ARHGAP10: variants seen among roughly 807,000 people sequenced by gnomAD.
ARHGAP10 encodes Rho GTPase activating protein 10, also known as rho GTPase-activating protein 10.
ARHGAP10 carries 87 observed loss-of-function variants against 108.6 expected under a neutral mutation model. That is an observed-to-expected ratio of 0.80 (90% CI 0.67 to 0.96). ARHGAP10 has a LOEUF of 0.96. Ranked by LOEUF, ARHGAP10 falls within the 40% of genes least tolerant of loss-of-function variation. The pLI, the probability that ARHGAP10 is intolerant of heterozygous loss-of-function variation, is 0.00. For missense variants in ARHGAP10, 939 were observed against 954.5 expected (o/e 0.98, Z 0.21); for synonymous variants, 347 against 341.1 (o/e 1.02, Z -0.19).
intron 18 of ARHGAP10, among the ~76,000 whole-genome samples, chr4:147,970,178 T>C (rs543057286): frequency 2.6e-4 from 40 of 152,324 alleles, no homozygotes; most frequent in South Asian, 1.4e-3. Flanking sequence ...AAGAATATTT[T>C]TGCTGACAAG....
chr4:147,789,293 AT>A (rs1731016717), intron 1 of ARHGAP10, among the ~76,000 whole-genome samples: 1 of 152,004 alleles, frequency 6.6e-6, no homozygotes, highest in South Asian at 2.1e-4. Flanking sequence ...TTTTCCACAT[AT>A]TTTATTTATG....
chr4:147,885,557 T>A (rs1735513212), intron 10 of ARHGAP10, among the ~76,000 whole-genome samples: 1 of 152,130 alleles, frequency 6.6e-6, no homozygotes, highest in South Asian at 2.1e-4. Flanking sequence ...ATATCAGTCA[T>A]GTTGAGTTAG....
At chr4:147,774,009 C>G (rs1004803428) in intron 1 of ARHGAP10, among the ~76,000 whole-genome samples, 4 of 152,132 alleles carry the variant, frequency 2.6e-5, no homozygotes, top group African/African-American at 9.7e-5. Context: ...CTCTGCCACT[C>G]CAGCTTTGTG....
chr4:147,815,895 TCCC>T (rs1276131061), intron 1 of ARHGAP10, among the ~76,000 whole-genome samples: 1 of 152,054 alleles, frequency 6.6e-6, no homozygotes. Context: ...CCATGAGACT[TCCC>T]CCATTTTAGA....
chr4:147,744,404 GC>G (rs1728819569), intron 1 of ARHGAP10, among the ~76,000 whole-genome samples: 1 of 152,054 alleles, frequency 6.6e-6, no homozygotes, highest in South Asian at 2.1e-4. Context: ...GGTCAAGAAG[GC>G]CCTTGGAAAG....
intron 1 of ARHGAP10, among the ~76,000 whole-genome samples, 187 bp from the exon 2 acceptor site, chr4:147,822,540 G>A (rs562824539): frequency 3.9e-5 from 6 of 152,356 alleles, no homozygotes; most frequent in African/African-American, 1.4e-4. Context: ...TGAACTAGAA[G>A]TCAGAGGCTA....
At chr4:147,927,757 T>C (rs1307875941) in intron 13 of ARHGAP10, among the ~76,000 whole-genome samples, 1 of 152,164 alleles carries the variant, frequency 6.6e-6, no homozygotes, top group Non-Finnish European at 1.5e-5. Flanking sequence ...AGCTTGATCC[T>C]AAGGGAAGGC....
intron 4 of ARHGAP10, chr4:147,854,990 G>A: frequency 2.3e-6 from 1 of 432,886 alleles, no homozygotes; most frequent in Non-Finnish European, 3.1e-6. Context: ...TTTGACCGCT[G>A]ATTAAAGCGT....
chr4:147,812,250 A>T (rs1027181166), intron 1 of ARHGAP10, among the ~76,000 whole-genome samples: 1 of 152,010 alleles, frequency 6.6e-6, no homozygotes, highest in African/African-American at 2.4e-5. Flanking sequence ...AAAAGAAAAC[A>T]TCTCTTTGAA....
chr4:148,014,791 A>T (rs1465366830), intron 18 of ARHGAP10, among the ~76,000 whole-genome samples: 1 of 152,236 alleles, frequency 6.6e-6, no homozygotes, highest in Admixed American at 6.5e-5. Flanking sequence ...ATAGAGTGCT[A>T]CCGAAATCAA....
At chr4:147,983,386 C>T (rs527696448) in intron 18 of ARHGAP10, among the ~76,000 whole-genome samples, 53 of 151,832 alleles carry the variant, frequency 3.5e-4, no homozygotes, top group African/African-American at 1.0e-3. Flanking sequence ...AGGGTTTCAC[C>T]GTGTTAGCCA....
At chr4:147,897,649 G>A (rs987250752) in intron 10 of ARHGAP10, among the ~76,000 whole-genome samples, 2 of 151,894 alleles carry the variant, frequency 1.3e-5, no homozygotes, top group African/African-American at 2.4e-5. Flanking sequence ...TCATCCTTTC[G>A]CTCTCTGTGC....
At chr4:147,993,818 C>CT (rs1283499974) in intron 18 of ARHGAP10, among the ~76,000 whole-genome samples, 1 of 152,222 alleles carries the variant, frequency 6.6e-6, no homozygotes, top group African/African-American at 2.4e-5. Flanking sequence ...ATACAAAACT[C>CT]TTTTTCCTAA....
chr4:147,819,207 A>G (rs1732384094), intron 1 of ARHGAP10, among the ~76,000 whole-genome samples: 2 of 152,226 alleles, frequency 1.3e-5, no homozygotes, highest in Admixed American at 1.3e-4. Flanking sequence ...ACCATCTTTA[A>G]AATAACCTGC....
At chr4:147,945,668 C>G (rs1318946971) in intron 14 of ARHGAP10, among the ~76,000 whole-genome samples, 1 of 152,180 alleles carries the variant, frequency 6.6e-6, no homozygotes, top group Non-Finnish European at 1.5e-5. Flanking sequence ...GTTTATCATC[C>G]TTTCACCAGT....
intron 3 of ARHGAP10, among the ~76,000 whole-genome samples, chr4:147,836,382 A>G (rs1460828883): frequency 6.6e-6 from 1 of 152,232 alleles, no homozygotes; most frequent in African/African-American, 2.4e-5. Flanking sequence ...TTGAAAGTTG[A>G]TAAAATTCTT....
chr4:147,916,275 C>A (rs906209019), intron 13 of ARHGAP10, among the ~76,000 whole-genome samples: 14 of 152,222 alleles, frequency 9.2e-5, no homozygotes, highest in Non-Finnish European at 1.6e-4. Flanking sequence ...CTTTTCATTT[C>A]ATGTCTTTCT....
At chr4:148,020,952 A>G (rs577028805) in intron 18 of ARHGAP10, among the ~76,000 whole-genome samples, 12 of 152,342 alleles carry the variant, frequency 7.9e-5, no homozygotes, top group East Asian at 7.7e-4. Flanking sequence ...TTCATCCAAG[A>G]TAAGTGTAAA....
At chr4:148,034,858 A>G (rs1307104346) in intron 19 of ARHGAP10, among the ~76,000 whole-genome samples, 1 of 152,162 alleles carries the variant, frequency 6.6e-6, no homozygotes, top group Non-Finnish European at 1.5e-5. Flanking sequence ...ATAATAACAC[A>G]TGGCTGTTAT....
Sources: gnomAD v4.1 joint callset for allele counts (sites outside exome capture counted in the v4.1 genomes callset) on GRCh38, gnomAD v4.1.1 for gene constraint, MANE v1.5 for transcripts, NCBI Gene and HGNC (gene_info 2026-07-23, HGNC 2026-07-21) for gene names.